Variants in EFCAB6 observed in about 807,000 individuals in gnomAD.
EFCAB6 encodes EF-hand calcium-binding domain-containing protein 6.
EFCAB6 carries 156 observed loss-of-function variants against 169.8 expected under a neutral mutation model. The observed-to-expected ratio is 0.92, with a 90% CI of 0.81 to 1.05. EFCAB6 has a LOEUF of 1.05. Ranked by LOEUF, EFCAB6 falls within the 50% of genes least tolerant of loss-of-function variation. EFCAB6 has a pLI of 0.00. For missense variants in EFCAB6, 1,800 were observed against 1,829.1 expected (o/e 0.98, Z 0.29); for synonymous variants, 698 against 676.4 (o/e 1.03, Z -0.50).
chr22:43,631,337 G>T (rs1009103088), intron 19 of EFCAB6, among the ~76,000 whole-genome samples: 1 of 151,822 alleles, frequency 6.6e-6, no homozygotes, highest in African/African-American at 2.4e-5. Flanking sequence ...ATCTTGTACT[G>T]GCCTCTATGT....
chr22:43,649,578 A>G (rs1173973876), intron 17 of EFCAB6, among the ~76,000 whole-genome samples: 1 of 152,244 alleles, frequency 6.6e-6, no homozygotes, highest in Non-Finnish European at 1.5e-5. Context: ...ATGTAAGGAC[A>G]CATAAAGAAA....
chr22:43,717,933 G>A (rs767249), intron 8 of EFCAB6, among the ~76,000 whole-genome samples: 126,386 of 152,184 alleles, frequency 0.83, 52,570 homozygotes, highest in East Asian at 0.97. Flanking sequence ...ACAAAGATAC[G>A]TGTCTAAATT....
At chr22:43,799,329 CCACACACACACA>C (rs112231545) in intron 2 of EFCAB6, among the ~76,000 whole-genome samples, 3 of 146,548 alleles carry the variant, frequency 2.0e-5, no homozygotes, top group Non-Finnish European at 1.5e-5. Context: ...GAATCTGTCT[CCACACACACACA>C]CACACACACA....
At chr22:43,611,012 T>A (rs1197246363) in intron 21 of EFCAB6, among the ~76,000 whole-genome samples, 1 of 152,180 alleles carries the variant, frequency 6.6e-6, no homozygotes, top group Admixed American at 6.5e-5. Flanking sequence ...TTACAGGAAC[T>A]TATGTCAGAA....
chr22:43,631,547 TC>T, intron 19 of EFCAB6, among the ~76,000 whole-genome samples: 1 of 152,080 alleles, frequency 6.6e-6, no homozygotes, highest in Non-Finnish European at 1.5e-5. Flanking sequence ...GGGGGCCACC[TC>T]CTCCAGGGAG....
intron 8 of EFCAB6, among the ~76,000 whole-genome samples, chr22:43,729,890 G>A (rs1293837661): frequency 6.6e-6 from 1 of 152,102 alleles, no homozygotes; most frequent in Non-Finnish European, 1.5e-5. Context: ...TGGTCATGGC[G>A]GCATACGCCT....
At chr22:43,620,611 G>C (rs959851228) in intron 20 of EFCAB6, among the ~76,000 whole-genome samples, 11 of 152,280 alleles carry the variant, frequency 7.2e-5, no homozygotes, top group Non-Finnish European at 1.5e-4. Context: ...TTCAGGGGAA[G>C]AAGAATGATA....
chr22:43,666,286 T>C (rs2057244548), intron 17 of EFCAB6, among the ~76,000 whole-genome samples: 1 of 152,190 alleles, frequency 6.6e-6, no homozygotes, highest in Non-Finnish European at 1.5e-5. Context: ...TCTGTGCCTC[T>C]AGCCCTGCTC....
rs1015497804 is a variant in EFCAB6 at position 43,607,008 on chromosome 22, C to G, written c.2681+1474G>C. On this transcript the variant is annotated intron_variant, in intron 22 of 31. Coordinates refer to ENST00000262726, the MANE Select transcript of EFCAB6 (RefSeq NM_022785.4). ...TGGTGGTGGTCTCCCAGGGCCAGCA[C>G]CCCCAGCCATCCTGTCCCCTGAACT... 2.6e-4 allele frequency among the ~76,000 whole-genome samples: 40 copies of G among 152,234 alleles called. 1 individual carries two copies. The highest frequency in any genetic ancestry group is 5.3e-4 in the Non-Finnish European group (36 of 68,022).
At chr22:43,627,859 A>G (rs892488558) in intron 19 of EFCAB6, among the ~76,000 whole-genome samples, 4 of 152,300 alleles carry the variant, frequency 2.6e-5, no homozygotes, top group East Asian at 3.9e-4. Flanking sequence ...CTCTCTCTGT[A>G]TTCACTCATG....
rs191512914 is a variant in EFCAB6, at chr22:43,796,314, C to T, written c.-8+12681G>A. ...GTCGGGTTTGATCATGTGCTCAGCA[C>T]GTCAACCTCCAAAAAATGATGAATG... On this transcript the variant is annotated intron_variant, in intron 2 of 31. Coordinates refer to ENST00000262726, the MANE Select transcript of EFCAB6 (RefSeq NM_022785.4). Among the ~76,000 whole-genome samples, 11 of 152,000 alleles carry T rather than the reference C, an allele frequency of 7.2e-5. No homozygotes were observed. The East Asian group carries it at 7.7e-4, about 11-fold the overall frequency.
intron 6 of EFCAB6, among the ~76,000 whole-genome samples, chr22:43,753,735 G>A (rs1449961284): frequency 2.0e-5 from 3 of 152,170 alleles, no homozygotes; most frequent in Admixed American, 2.0e-4. Flanking sequence ...AGGAGTGCTG[G>A]GGTTCAGCTG....
At chr22:43,647,521 T>C (rs1399853478) in intron 17 of EFCAB6, among the ~76,000 whole-genome samples, 1 of 152,020 alleles carries the variant, frequency 6.6e-6, no homozygotes, top group Non-Finnish European at 1.5e-5. Flanking sequence ...ATTTTAAGGG[T>C]TATACATTGT....
intron 8 of EFCAB6, among the ~76,000 whole-genome samples, chr22:43,722,108 GA>G (rs1235076414): frequency 6.6e-6 from 1 of 152,056 alleles, no homozygotes; most frequent in Non-Finnish European, 1.5e-5. Context: ...CTTCTCAAAA[GA>G]AGAAGACATA....
intron 17 of EFCAB6, among the ~76,000 whole-genome samples, chr22:43,652,861 T>C (rs1479493306): frequency 6.7e-6 from 1 of 149,966 alleles, no homozygotes; most frequent in African/African-American, 2.4e-5. Flanking sequence ...TACCGGAGTA[T>C]ATTGAGACAA....
At chr22:43,675,247 ATATT>A (rs1009181220) in intron 13 of EFCAB6, among the ~76,000 whole-genome samples, 2 of 143,320 alleles carry the variant, frequency 1.4e-5, no homozygotes, top group African/African-American at 5.1e-5. Flanking sequence ...ATGTTATTAT[ATATT>A]ATGTGTATAT....
rs2060687062 is a variant in EFCAB6 at position 43,749,691 on chromosome 22, C to G, written c.507+6075G>C. Among the ~76,000 whole-genome samples, 3 of 152,204 alleles carry G rather than the reference C, an allele frequency of 2.0e-5. 1 individual carries two copies. The South Asian group carries it at 6.2e-4, about 31-fold the overall frequency. Reference sequence around the variant, plus strand: ...GCTGTGCATTCTGGTTCCCGACAGGCCACCAACCAGTACAGGTCTGCAGCC... The same window carrying G: ...GCTGTGCATTCTGGTTCCCGACAGGGCACCAACCAGTACAGGTCTGCAGCC... On this transcript the variant is annotated intron_variant, in intron 6 of 31. Coordinates refer to ENST00000262726, the MANE Select transcript of EFCAB6 (RefSeq NM_022785.4).
chr22:43,588,757 A>C (rs1243795398), intron 24 of EFCAB6, among the ~76,000 whole-genome samples: 1 of 152,204 alleles, frequency 6.6e-6, no homozygotes, highest in Non-Finnish European at 1.5e-5. Flanking sequence ...TTGGAAAGAG[A>C]TTAAATTGGG....
At chr22:43,737,011 T>C (rs1230901730) in intron 6 of EFCAB6, among the ~76,000 whole-genome samples, 1 of 151,916 alleles carries the variant, frequency 6.6e-6, no homozygotes, top group Non-Finnish European at 1.5e-5. Context: ...ACTTCCTTCC[T>C]AACCCTCCCA....
Sources: allele counts gnomAD v4.1 joint callset (sites outside exome capture counted in the v4.1 genomes callset), GRCh38; gene constraint gnomAD v4.1.1; transcripts MANE v1.5; gene names NCBI Gene and HGNC (gene_info 2026-07-23, HGNC 2026-07-21).